Variants in CNKSR2 observed in about 807,000 individuals in gnomAD.
CNKSR2 encodes the protein CNK homolog protein 2.
A neutral mutation model predicts 84.4 loss-of-function variants in CNKSR2; 14 were observed. That is an observed-to-expected ratio of 0.17 (90% CI 0.11 to 0.26). The LOEUF (loss-of-function observed/expected upper bound fraction) is 0.26. Ranked by LOEUF, CNKSR2 falls within the 10% of genes least tolerant of loss-of-function variation. The pLI, the probability that CNKSR2 is intolerant of heterozygous loss-of-function variation, is 1.00. For synonymous variants in CNKSR2, 275 were observed against 277.9 expected (o/e 0.99, Z 0.10); for missense variants, 485 against 771.2 (o/e 0.63, Z 4.40).
chrX:21,465,236 A>G (rs974421262), intron 4 of CNKSR2, among the ~76,000 whole-genome samples: 1 of 111,416 alleles, frequency 9.0e-6, no homozygotes, highest in African/African-American at 3.3e-5. Flanking sequence ...CTCCCCTCCT[A>G]CTTAATGAAA....
chrX:21,391,056 G>A (rs1009341847), intron 1 of CNKSR2, among the ~76,000 whole-genome samples: 2 of 112,691 alleles, frequency 1.8e-5, no homozygotes, highest in Non-Finnish European at 3.8e-5. Context: ...CTGATGCAAG[G>A]GGTGGGTTCC....
At chrX:21,387,502 A>C (rs952445518) in intron 1 of CNKSR2, among the ~76,000 whole-genome samples, 4 of 111,781 alleles carry the variant, frequency 3.6e-5, no homozygotes, top group Non-Finnish European at 5.6e-5. Context: ...AAGAAAAGAA[A>C]AGAAATACAG....
intron 11 of CNKSR2, among the ~76,000 whole-genome samples, chrX:21,534,464 G>T (rs1235265040): frequency 9.1e-6 from 1 of 110,415 alleles, no homozygotes; most frequent in Non-Finnish European, 1.9e-5. Context: ...TAATGTGAAT[G>T]CTGAATCGTA....
At chrX:21,543,168 T>A (rs1309210090) in intron 11 of CNKSR2, among the ~76,000 whole-genome samples, 2 of 112,468 alleles carry the variant, frequency 1.8e-5, no homozygotes, top group Non-Finnish European at 3.8e-5. Context: ...CCTGTGATTT[T>A]AAAATGTAAA....
chrX:21,497,523 G>C (rs2091513153), intron 6 of CNKSR2, among the ~76,000 whole-genome samples: 1 of 111,167 alleles, frequency 9.0e-6, no homozygotes. Context: ...TTACCATGCT[G>C]CATTTTATCA....
At chrX:21,478,445 G>A (rs759572521) in intron 5 of CNKSR2, among the ~76,000 whole-genome samples, 1 of 111,622 alleles carries the variant, frequency 9.0e-6, no homozygotes, top group East Asian at 2.8e-4. Context: ...AAAATAATCT[G>A]GTTTTAGTGT....
At chrX:21,642,795 A>G in intron 20 of CNKSR2, 4 of 723,122 alleles carry the variant, frequency 5.5e-6, no homozygotes, top group South Asian at 1.4e-4. Flanking sequence ...CTTTCTAAAA[A>G]GAAGTAATCA....
At chrX:21,412,973 A>G (rs892771304) in intron 1 of CNKSR2, among the ~76,000 whole-genome samples, 7 of 111,724 alleles carry the variant, frequency 6.3e-5, no homozygotes, top group Admixed American at 4.7e-4. Context: ...GTACATTCAC[A>G]TTTTTGTGCT....
At chrX:21,542,878 A>T (rs925517216) in intron 11 of CNKSR2, among the ~76,000 whole-genome samples, 1 of 112,590 alleles carries the variant, frequency 8.9e-6, no homozygotes, top group African/African-American at 3.2e-5. Context: ...ACAGGAATGA[A>T]TGTAAAGCTG....
chrX:21,432,508 C>A, intron 2 of CNKSR2, 104 bp from the exon 3 acceptor site: 1 of 568,621 alleles, frequency 1.8e-6, no homozygotes, highest in Non-Finnish European at 2.9e-6. Flanking sequence ...ATTTGTAACT[C>A]GAATGCTACC....
intron 20 of CNKSR2, 37 bp from the exon 21 acceptor site, chrX:21,648,794 C>T (rs866269411): frequency 1.4e-3 from 430 of 315,627 alleles, no homozygotes; most frequent in African/African-American, 4.1e-3. Context: ...CTCTCTCTTT[C>T]TTTTTTTTTT....
intron 8 of CNKSR2, among the ~76,000 whole-genome samples, chrX:21,508,149 G>A (rs968918303): frequency 4.5e-5 from 5 of 111,731 alleles, no homozygotes; most frequent in African/African-American, 6.5e-5. Flanking sequence ...GCAACATAGC[G>A]AGACCACGTC....
chrX:21,431,687 C>T (rs140488194), intron 2 of CNKSR2, among the ~76,000 whole-genome samples: 3,848 of 111,765 alleles, frequency 0.034, 300 homozygotes, highest in Admixed American at 0.27. Flanking sequence ...ACACAATTAG[C>T]TGCTTTACAT....
intron 20 of CNKSR2, 141 bp downstream of exon 20, chrX:21,609,758 G>C (rs1281797030): frequency 7.4e-6 from 6 of 814,635 alleles, no homozygotes; most frequent in Admixed American, 4.1e-5. Flanking sequence ...GGTCTCCCTT[G>C]GTGACCTACT....
chrX:21,509,259 G>A (rs2147081804), intron 8 of CNKSR2, among the ~76,000 whole-genome samples: 1 of 111,882 alleles, frequency 8.9e-6, no homozygotes, highest in African/African-American at 3.2e-5. Context: ...CAAATGCCTT[G>A]ATGTACTCTT....
rs142444110 is a variant in CNKSR2, at chrX:21,649,865, C to T, written c.2889+838C>T. Among the ~76,000 whole-genome samples, 373 of 112,109 alleles carry T rather than the reference C, an allele frequency of 3.3e-3. 6 individuals are homozygous for T. In the East Asian group the frequency reaches 0.072, roughly 22 times the overall value. The stretch of plus-strand genomic sequence containing the variant: ...GTCATTAGAGAAATGCAAATCAAAA[C>T]CACAATGAGATACCATCTCACGCCA... On this transcript the variant is annotated intron_variant, in intron 21 of 21. Coordinates refer to ENST00000379510, the MANE Select transcript of CNKSR2 (RefSeq NM_014927.5).
intron 1 of CNKSR2, among the ~76,000 whole-genome samples, chrX:21,410,585 G>A (rs2090330345): frequency 1.8e-5 from 2 of 111,339 alleles, no homozygotes; most frequent in African/African-American, 6.5e-5. Context: ...GCTGTTGTAC[G>A]AATGTAGGAT....
intron 4 of CNKSR2, among the ~76,000 whole-genome samples, chrX:21,465,134 T>G (rs1392179540): frequency 8.9e-6 from 1 of 112,379 alleles, no homozygotes; most frequent in African/African-American, 3.2e-5. Context: ...CTTCACTTAG[T>G]TAATCCAGGA....
intron 13 of CNKSR2, among the ~76,000 whole-genome samples, chrX:21,585,581 A>G (rs2092381747): frequency 9.0e-6 from 1 of 110,564 alleles, no homozygotes; most frequent in Non-Finnish European, 1.9e-5. Context: ...TGTAATTACT[A>G]TTTAATAAGA....
Sources: allele counts gnomAD v4.1 joint callset (sites outside exome capture counted in the v4.1 genomes callset), GRCh38; gene constraint gnomAD v4.1.1; transcripts MANE v1.5; gene names NCBI Gene and HGNC (gene_info 2026-07-23, HGNC 2026-07-21).